NMRAL1: variants seen among roughly 807,000 people sequenced by gnomAD.
NMRAL1 encodes NmrA like redox sensor 1, also known as nmrA-like family domain-containing protein 1.
In NMRAL1, 32 loss-of-function variants were observed where a neutral mutation model predicts 27.5. The ratio of observed to expected loss-of-function variants is 1.16; its 90% CI spans 0.88 to 1.56. NMRAL1 has a LOEUF of 1.56. NMRAL1 is among the 40% of genes most tolerant of loss of function. NMRAL1 has a pLI of 0.00. For synonymous variants in NMRAL1, 166 were observed against 166.8 expected, an observed-to-expected ratio of 1.00 and a Z score of 0.04; for missense variants, 420 against 392.0, an observed-to-expected ratio of 1.07 and a Z score of -0.60.
chr16:4,470,550 G>A (rs941591030), intron 2 of NMRAL1, among the ~76,000 whole-genome samples: 3 of 152,110 alleles, frequency 2.0e-5, no homozygotes, highest in Non-Finnish European at 4.4e-5. Context: ...GCTGGGTGCA[G>A]TGGCTGTAAT....
intron 2 of NMRAL1, among the ~76,000 whole-genome samples, chr16:4,473,737 C>G (rs1345025085): frequency 6.6e-6 from 1 of 151,826 alleles, no homozygotes; most frequent in Non-Finnish European, 1.5e-5. Flanking sequence ...ACCAGCCTGA[C>G]CAATATGATG....
chr16:4,476,291 A>G (rs2270363), upstream of NMRAL1: 112,684 of 152,182 alleles, frequency 0.74, 41,962 homozygotes, highest in African/African-American at 0.78. Context: ...AAAGCCACAT[A>G]CTCCGCTTCC....
At chr16:4,469,556 A>C in intron 2 of NMRAL1, 91 bp from the exon 3 acceptor site, 2 of 1,560,704 alleles carry the variant, frequency 1.3e-6, no homozygotes, top group African/African-American at 2.7e-5. Context: ...CACCACAGCA[A>C]GGAGCATCCA....
intron 2 of NMRAL1, among the ~76,000 whole-genome samples, chr16:4,473,664 T>C (rs1416782875): frequency 6.6e-6 from 1 of 151,958 alleles, no homozygotes; most frequent in Non-Finnish European, 1.5e-5. Flanking sequence ...TGGTGGTTCA[T>C]GCCTGTAATA....
chr16:4,464,611 GTTTTTTTTTT>G (rs775753695), intron 4 of NMRAL1, among the ~76,000 whole-genome samples: 16 of 133,070 alleles, frequency 1.2e-4, no homozygotes, highest in African/African-American at 5.0e-4. Context: ...CTGACTGCAG[GTTTTTTTTTT>G]TTTTTTTTTT....
upstream of NMRAL1, chr16:4,475,945 G>A (rs1208396714): frequency 6.6e-6 from 1 of 152,158 alleles, no homozygotes; most frequent in African/African-American, 2.4e-5. Context: ...CTCAAAAAAA[G>A]AAAAATCATT....
Position 4,469,134 on chromosome 16 carries a change from C to A in NMRAL1, c.279+93G>T, listed in dbSNP as rs28445339. On this transcript the variant is annotated intron_variant, in intron 3 of 5. Coordinates refer to ENST00000283429, the MANE Select transcript of NMRAL1 (RefSeq NM_020677.6). ...GGCATGAAGAAGAGGGAAAGGCCTGCAGTGCTCCAACCTCCCTGCAGAGTC... is the reference window on the plus strand; with the variant it reads ...GGCATGAAGAAGAGGGAAAGGCCTGAAGTGCTCCAACCTCCCTGCAGAGTC... The A allele has an allele frequency of 0.01, 8,065 of 788,942 alleles. 462 individuals are homozygous for A. The African/African-American group carries it at 0.12, about 12-fold the overall frequency. 48.9% of individuals were successfully genotyped at this position (788,942 alleles called of 1,614,324 possible). A position where few individuals can be genotyped will look rare whatever the true frequency, so the allele number is the denominator to read the frequency against.
At chr16:4,474,298 C>T in intron 1 of NMRAL1, 132 bp from the exon 2 acceptor site, 3 of 630,606 alleles carry the variant, frequency 4.8e-6, no homozygotes, top group Non-Finnish European at 8.4e-6. Context: ...GGCAAGACGC[C>T]TGTCCCGAGA....
chr16:4,466,576 C>T, intron 3 of NMRAL1, 174 bp from the exon 4 acceptor site: 1 of 627,454 alleles, frequency 1.6e-6, no homozygotes, highest in Non-Finnish European at 2.8e-6. Context: ...TGACACCACG[C>T]CCGTAAACAC....
At position 4,464,631 on chromosome 16, in the gene NMRAL1, T is replaced by TTC. The variant is rs1567347836; in HGVS notation, c.530-782_530-781insGA. ...TGCAGGTTTTTTTTTTTTTTTTTTT[T>TTC]TGAGATGGAGTCTCGCTCTGTCGCC... On this transcript the variant is annotated intron_variant, in intron 4 of 5. Transcript: ENST00000283429. Among the ~76,000 whole-genome samples the TTC allele has an allele frequency of 1.2e-4, 17 of 140,956 alleles. 3 individuals are homozygous for TTC. Among genetic ancestry groups the TTC allele is most frequent in the Non-Finnish European group, 2.4e-4 (15 of 63,318 alleles). The allele number at this position is 140,956 out of a possible 152,430, so 92.5% of individuals were successfully genotyped here.
intron 4 of NMRAL1, among the ~76,000 whole-genome samples, chr16:4,465,333 C>G (rs6500609): frequency 0.92 from 139,336 of 152,190 alleles, 64,016 homozygotes; most frequent in African/African-American, 0.98. Flanking sequence ...TGGCATTCAA[C>G]CAGAGGGTAA....
intron 5 of NMRAL1, chr16:4,463,451 CTT>C: frequency 1.8e-6 from 1 of 551,786 alleles, no homozygotes; most frequent in South Asian, 2.6e-5. Context: ...CTCCTGGAAG[CTT>C]TTCTCTCTAT....
upstream of NMRAL1, chr16:4,476,173 A>T (rs1215666224): frequency 1.3e-5 from 2 of 152,312 alleles, no homozygotes; most frequent in Non-Finnish European, 2.9e-5. Context: ...CTCAACCCTG[A>T]GGCACCCTCA....
chr16:4,474,222 C>A (rs933519736), intron 1 of NMRAL1, 56 bp from the exon 2 acceptor site: 3 of 1,293,782 alleles, frequency 2.3e-6, no homozygotes, highest in African/African-American at 1.5e-5. Context: ...CCGCCAGGAG[C>A]GACAAAGGAC....
At chr16:4,470,029 G>A (rs1018793850) in intron 2 of NMRAL1, among the ~76,000 whole-genome samples, 1 of 151,228 alleles carries the variant, frequency 6.6e-6, no homozygotes, top group African/African-American at 2.4e-5. Flanking sequence ...GGGCGTGGTG[G>A]CACCCGCCTG....
rs1455459728 is a variant in NMRAL1 at position 4,461,953 on chromosome 16, G to T, written c.727C>A (p.Pro243Thr). The T allele has an allele frequency of 5.0e-6, 8 of 1,611,488 alleles. No individual in the cohort carries two copies. Among genetic ancestry groups the T allele is most frequent in the Non-Finnish European group, 6.8e-6 (8 of 1,178,618 alleles). ...AAGCCAAGCTTTTCGTAGTCCTCAGGAGTCATCTGGAAGCAGAGGAGCCTG... is the reference window on the plus strand; with the variant it reads ...AAGCCAAGCTTTTCGTAGTCCTCAGTAGTCATCTGGAAGCAGAGGAGCCTG... ...RKVVHDAKMT[P>T]EDYEKLGFPG... The change falls in exon 6 of 6, where the codon CCT becomes ACT. Residue 243 changes from proline (P) to threonine (T), a missense_variant. By Grantham distance (38) the Pro-to-Thr change is conservative (BLOSUM62 -1). Transcript: ENST00000283429.
At chr16:4,462,271 G>A (rs150914750) in intron 5 of NMRAL1, among the ~76,000 whole-genome samples, 4 of 152,290 alleles carry the variant, frequency 2.6e-5, no homozygotes, top group African/African-American at 9.6e-5. Flanking sequence ...TTGAGGCCAG[G>A]AGTTCGAGAC....
intron 5 of NMRAL1, among the ~76,000 whole-genome samples, chr16:4,462,753 T>A (rs2057155558): frequency 6.6e-6 from 1 of 152,134 alleles, no homozygotes; most frequent in South Asian, 2.1e-4. Context: ...CTCGATTTCC[T>A]GACCTTGTAA....
chr16:4,463,879 T>C, intron 4 of NMRAL1, 29 bp from the exon 5 acceptor site: 1 of 1,598,230 alleles, frequency 6.3e-7, no homozygotes, highest in East Asian at 2.2e-5. Context: ...AGCTGGTATA[T>C]GTCCCGAGGG....
Sources: allele counts gnomAD v4.1 joint callset (sites outside exome capture counted in the v4.1 genomes callset), GRCh38; gene constraint gnomAD v4.1.1; transcripts MANE v1.5; gene names NCBI Gene and HGNC (gene_info 2026-07-23, HGNC 2026-07-21).